The following MPRIP variants were observed in gnomAD, a reference collection of about 807,000 sequenced individuals.
MPRIP encodes myosin phosphatase Rho-interacting protein.
In MPRIP, 59 loss-of-function variants were observed where a neutral mutation model predicts 234.9. The observed-to-expected ratio is 0.25, with a 90% CI of 0.20 to 0.31. The LOEUF (loss-of-function observed/expected upper bound fraction) is 0.31. Ranked by LOEUF, MPRIP falls within the 10% of genes least tolerant of loss-of-function variation. The probability of loss-of-function intolerance (pLI) is 1.00; values close to 1 mark genes in which losing one functional copy is unlikely to be tolerated. For missense variants in MPRIP, 2,436 were observed against 3,071.0 expected, an observed-to-expected ratio of 0.79 and a Z score of 4.89; for synonymous variants, 1,144 against 1,263.9, an observed-to-expected ratio of 0.91 and a Z score of 2.01.
chr17:17,105,925 C>G (rs1050386791), intron 3 of MPRIP, among the ~76,000 whole-genome samples: 10 of 152,146 alleles, frequency 6.6e-5, no homozygotes, highest in Non-Finnish European at 1.5e-5. Flanking sequence ...CAAAGGGAGG[C>G]ATGTTAAAGA....
chr17:17,052,774 C>T (rs2088581713), intron 1 of MPRIP, among the ~76,000 whole-genome samples: 1 of 152,220 alleles, frequency 6.6e-6, no homozygotes, highest in Non-Finnish European at 1.5e-5. Context: ...GCAGCAGCCA[C>T]ACCTTTGGCA....
chr17:17,088,003 A>T (rs1439683701), intron 3 of MPRIP, among the ~76,000 whole-genome samples: 1 of 152,186 alleles, frequency 6.6e-6, no homozygotes, highest in Non-Finnish European at 1.5e-5. Context: ...CTATAATGAG[A>T]TACCCACATT....
rs2090753056 is a variant in MPRIP, at chr17:17,138,553, C to G, written c.1250+124C>G. On this transcript the variant is annotated intron_variant, in intron 7 of 23. Transcript: ENST00000651222. This position sits in a 1 kb window ranked among gnomAD's most constrained non-coding sequence, Gnocchi z 5.8. ...CCCAAGCCTCCCTTGGCGGAGCATGCTTTCTGTTCAGAGCATAGGGGTATT... is the reference window on the plus strand; with the variant it reads ...CCCAAGCCTCCCTTGGCGGAGCATGGTTTCTGTTCAGAGCATAGGGGTATT... The G allele has an allele frequency of 6.5e-6, 1 of 154,174 alleles. No individual in the cohort carries two copies. Among genetic ancestry groups the G allele is most frequent in the South Asian group, 2.1e-4 (1 of 4,856 alleles). The allele number at this position is 154,174 out of a possible 1,614,324, so 9.6% of individuals were successfully genotyped here. A position where few individuals can be genotyped will look rare whatever the true frequency, so the allele number is the denominator to read the frequency against.
intron 5 of MPRIP, among the ~76,000 whole-genome samples, chr17:17,134,083 C>T (rs540651051): frequency 6.6e-6 from 1 of 152,308 alleles, no homozygotes; most frequent in Non-Finnish European, 1.5e-5. Context: ...CCAGCCAGCA[C>T]CACCAGGCCC....
At chr17:17,122,918 A>G (rs1417274265) in intron 3 of MPRIP, among the ~76,000 whole-genome samples, 2 of 152,218 alleles carry the variant, frequency 1.3e-5, no homozygotes, top group Non-Finnish European at 2.9e-5. Flanking sequence ...CTGTACAGGA[A>G]TGTGCACAGC....
At chr17:17,053,706 G>C (rs2088610403) in intron 1 of MPRIP, among the ~76,000 whole-genome samples, 1 of 152,208 alleles carries the variant, frequency 6.6e-6, no homozygotes, top group African/African-American at 2.4e-5. Context: ...TTGTGGGCAA[G>C]CTGGCCCTCA....
intron 3 of MPRIP, among the ~76,000 whole-genome samples, chr17:17,118,334 G>C (rs982614702): frequency 7.2e-5 from 11 of 152,252 alleles, no homozygotes; most frequent in South Asian, 4.1e-4. Flanking sequence ...TTGGCCCAAA[G>C]TCCCTCTGGG....
At chr17:17,057,280 T>G (rs1208028980) in intron 1 of MPRIP, among the ~76,000 whole-genome samples, 1 of 152,202 alleles carries the variant, frequency 6.6e-6, no homozygotes, top group East Asian at 1.9e-4. Flanking sequence ...GTCGCACACA[T>G]GAAATGCCGC....
chr17:17,110,637 C>T (rs2090150875), intron 3 of MPRIP, among the ~76,000 whole-genome samples: 2 of 152,178 alleles, frequency 1.3e-5, no homozygotes, highest in African/African-American at 4.8e-5. Flanking sequence ...TCATCATCAA[C>T]AGTGATCAGT....
intron 3 of MPRIP, among the ~76,000 whole-genome samples, chr17:17,087,916 G>A (rs562935516): frequency 6.6e-6 from 1 of 152,278 alleles, no homozygotes; most frequent in South Asian, 2.1e-4. Flanking sequence ...GGACTGTCCC[G>A]TGCGCTTACC....
chr17:17,061,967 G>T (rs1272926006), intron 1 of MPRIP, among the ~76,000 whole-genome samples: 1 of 151,826 alleles, frequency 6.6e-6, no homozygotes, highest in Non-Finnish European at 1.5e-5. Flanking sequence ...TGTCTGACAT[G>T]ATCATTTTTT....
chr17:17,108,452 A>G (rs1481425118), intron 3 of MPRIP, among the ~76,000 whole-genome samples: 1 of 152,246 alleles, frequency 6.6e-6, no homozygotes, highest in Admixed American at 6.5e-5. Flanking sequence ...TCACTAGAGA[A>G]GCTTTTAAGA....
At chr17:17,124,964 G>T (rs1011159583) in intron 3 of MPRIP, among the ~76,000 whole-genome samples, 1 of 152,218 alleles carries the variant, frequency 6.6e-6, no homozygotes, top group African/African-American at 2.4e-5. Context: ...ATAGCACTCA[G>T]TGTGGGTCTC....
In MPRIP at chr17:17,164,601, C is replaced by G. The variant is rs2045942504; in HGVS notation, c.3010C>G (p.Leu1004Val). ...GCGCATTGCCGACCTCAGCCAGCAA[C>G]TGGGCGCCAGTGAGCAGGCGCAGCG... ...QERIADLSQQ[L>V]GASEQAQRLM... The change falls in exon 16 of 24, where the codon CTG becomes GTG. Residue 1004 changes from leucine to valine, a missense_variant. Physicochemically the swap from Leu to Val is conservative, Grantham distance 32. This residue lies in a region of MPRIP where 1,998 missense variants were observed against 2,520.3 expected (regional missense o/e 0.79). Transcript: ENST00000651222. 8.2e-7 allele frequency: 1 copy of G among 1,213,048 alleles called. No individual in the cohort carries two copies. Among genetic ancestry groups the G allele is most frequent in the Non-Finnish European group, 1.1e-6 (1 of 947,460 alleles). The allele number at this position is 1,213,048 out of a possible 1,614,324, so 75.1% of individuals were successfully genotyped here. A position where few individuals can be genotyped will look rare whatever the true frequency, so the allele number is the denominator to read the frequency against.
intron 1 of MPRIP, among the ~76,000 whole-genome samples, chr17:17,070,877 C>T (rs1261598610): frequency 6.6e-6 from 1 of 152,188 alleles, no homozygotes; most frequent in Admixed American, 6.5e-5. Flanking sequence ...CCTTCTCTTT[C>T]AGTGGATTTT....
chr17:17,176,317 C>T, intron 20 of MPRIP, 109 bp from the exon 21 acceptor site: 2 of 807,318 alleles, frequency 2.5e-6, no homozygotes, highest in Non-Finnish European at 2.2e-6. Context: ...CACGAGGCTG[C>T]CCTGCTCACT....
chr17:17,153,399 A>C (rs1461434558), intron 12 of MPRIP, among the ~76,000 whole-genome samples: 1 of 152,072 alleles, frequency 6.6e-6, no homozygotes, highest in African/African-American at 2.4e-5. Flanking sequence ...TCTGTTGGGC[A>C]GGTGCCTGTA....
rs1399679390 is a variant in MPRIP at position 17,167,477 on chromosome 17, C to T, written c.5886C>T (p.Thr1962=). Residue 1962 remains threonine (T), a synonymous_variant, in exon 16 of 24, where the codon ACC becomes ACT. Coordinates refer to ENST00000651222, the MANE Select transcript of MPRIP (RefSeq NM_001364716.4). The surrounding 1 kb of genome is among the most constrained non-coding windows in gnomAD (Gnocchi z 5.9). The part of the protein sequence containing the change: ...IRCVVEQLTR[T]ESTLQAERSR... ...GTGTGGTGGAGCAGCTGACCAGGACCGAGAGCACACTGCAGGCTGAGCGCA... is the reference window on the plus strand; with the variant it reads ...GTGTGGTGGAGCAGCTGACCAGGACTGAGAGCACACTGCAGGCTGAGCGCA... 8.4e-6 allele frequency: 11 copies of T among 1,304,060 alleles called. No homozygotes were observed. Among genetic ancestry groups the T allele is most frequent in the African/African-American group, 3.0e-5 (2 of 65,854 alleles). 80.8% of individuals were successfully genotyped at this position (1,304,060 alleles called of 1,614,324 possible).
chr17:17,166,053 T>A lies in MPRIP; in HGVS notation c.4462T>A (p.Ser1488Thr), dbSNP rs902890740. Residue 1488 changes from serine (S) to threonine (T), a missense_variant, in exon 16 of 24, where the codon TCT (serine) becomes ACT (threonine). Transcript: ENST00000651222. The surrounding 1 kb of genome is among the most constrained non-coding windows in gnomAD (Gnocchi z 4.4). Reference sequence around the variant, plus strand: ...GGAAAATTGCCGAGAACAACTGAGATCTCTGCCTAGGGCCAGCCAGGAGGA... The same window carrying A: ...GGAAAATTGCCGAGAACAACTGAGAACTCTGCCTAGGGCCAGCCAGGAGGA... ...CLENCREQLR[S>T]LPRASQEDEQ... 19 of 1,302,774 alleles carry A rather than the reference T, an allele frequency of 1.5e-5. No homozygotes were observed. Among genetic ancestry groups the A allele is most frequent in the Non-Finnish European group, 1.7e-5 (17 of 988,220 alleles). 80.7% of individuals were successfully genotyped at this position (1,302,774 alleles called of 1,614,324 possible). A position where few individuals can be genotyped will look rare whatever the true frequency, so the allele number is the denominator to read the frequency against.
Sources: gnomAD v4.1 joint callset for allele counts (sites outside exome capture counted in the v4.1 genomes callset) on GRCh38, gnomAD v4.1.1 for gene constraint, gnomAD v4.1.1 regional missense constraint, Gnocchi (gnomAD v3.1) non-coding constraint, MANE v1.5 for transcripts, NCBI Gene and HGNC (gene_info 2026-07-23, HGNC 2026-07-21) for gene names.